RELN: variants seen among roughly 807,000 people sequenced by gnomAD.
RELN encodes reelin.
A neutral mutation model predicts 427.6 loss-of-function variants in RELN; 108 were observed. The ratio of observed to expected loss-of-function variants is 0.25; its 90% confidence interval spans 0.22 to 0.30. The LOEUF is 0.30. Ranked by LOEUF, RELN falls within the 10% of genes least tolerant of loss-of-function variation. The pLI, the probability that RELN is intolerant of heterozygous loss-of-function variation, is 1.00. For missense variants in RELN, 3,715 were observed against 4,302.8 expected, an observed-to-expected ratio of 0.86 and a Z score of 3.82; for synonymous variants, 1,524 against 1,513.4, an observed-to-expected ratio of 1.01 and a Z score of -0.16.
At chr7:103,550,919 A>T in intron 41 of RELN, 148 bp downstream of exon 41, 1 of 738,130 alleles carries the variant, frequency 1.4e-6, no homozygotes, top group Non-Finnish European at 2.4e-6. Context: ...TCCGTGTCCT[A>T]CATTTTAAAT....
chr7:103,778,477 C>T (rs566844266), intron 3 of RELN, among the ~76,000 whole-genome samples: 13 of 152,128 alleles, frequency 8.5e-5, no homozygotes, highest in Non-Finnish European at 1.5e-4. Flanking sequence ...CATAATATTT[C>T]TTATTGGTCC....
At chr7:103,930,462 C>T (rs1453246653) in intron 1 of RELN, among the ~76,000 whole-genome samples, 1 of 151,888 alleles carries the variant, frequency 6.6e-6, no homozygotes, top group East Asian at 1.9e-4. Context: ...GTTCAGCCCC[C>T]CGTAATGCAT....
chr7:103,489,919 C>T lies in RELN; in HGVS notation c.9606-20G>A. The T allele has an allele frequency of 6.2e-7, 1 of 1,613,854 alleles. No individual in the cohort carries two copies. Among genetic ancestry groups the T allele is most frequent in the East Asian group, 2.2e-5 (1 of 44,864 alleles). On this transcript the variant is annotated intron_variant, in intron 59 of 64. Transcript: ENST00000428762. The stretch of plus-strand genomic sequence containing the variant: ...GTTGCACTGAAAGAACCACAGAGAG[C>T]AGAAGGGATTCAGTAGGTTGTTACT...
At position 103,989,621 on chromosome 7, in the gene RELN, G is replaced by A. The variant is rs997525514; in HGVS notation, c.-265C>T. On this transcript the variant is annotated 5_prime_UTR_variant, in exon 1 of 65. Transcript: ENST00000428762. This position sits in a 1 kb window ranked among gnomAD's most constrained non-coding sequence, Gnocchi z 4.9. ...GCGTCGTCTGCCGCCTCCGTGCGCC[G>A]CCGCCGCCTCTGCGCGACGCCCCTC... 7.0e-5 allele frequency: 25 copies of A among 359,110 alleles called. No individual in the cohort carries two copies. Among genetic ancestry groups the A allele is most frequent in the South Asian group, 1.1e-4 (1 of 9,094 alleles). The allele number at this position is 359,110 out of a possible 1,614,324, so 22.2% of individuals were successfully genotyped here.
Position 103,553,501 on chromosome 7 carries a change from C to T in RELN, c.6032G>A (p.Arg2011His), listed in dbSNP as rs762880714. The T allele has an allele frequency of 2.6e-5, 42 of 1,613,736 alleles. No individual in the cohort carries two copies. Among genetic ancestry groups the T allele is most frequent in the Middle Eastern group, 1.6e-4 (1 of 6,082 alleles). Residue 2011 changes from arginine to histidine, a missense_variant, in exon 40 of 65, where the codon CGT becomes CAT. Coordinates refer to ENST00000428762, the MANE Select transcript of RELN (RefSeq NM_005045.4). ...GGTGTTCTCATTCACATTTAGGTCACGGGTGGTAATGGAATGCTCACCAAC... is the reference window on the plus strand; with the variant it reads ...GGTGTTCTCATTCACATTTAGGTCATGGGTGGTAATGGAATGCTCACCAAC... ...NEVGEHSITT[R>H]DLNVNENTII...
At chr7:103,961,667 C>T (rs1178583571) in intron 1 of RELN, among the ~76,000 whole-genome samples, 1 of 152,166 alleles carries the variant, frequency 6.6e-6, no homozygotes, top group African/African-American at 2.4e-5. Flanking sequence ...TAGAAACCAT[C>T]CTCGTGGGTC....
chr7:103,551,563 G>C (rs986158545), intron 40 of RELN, among the ~76,000 whole-genome samples: 1 of 152,060 alleles, frequency 6.6e-6, no homozygotes, highest in Non-Finnish European at 1.5e-5. Context: ...GCAGAGGCTG[G>C]GACAATTCCA....
At chr7:103,481,080 G>A (rs1828216282) in intron 63 of RELN, among the ~76,000 whole-genome samples, 1 of 152,198 alleles carries the variant, frequency 6.6e-6, no homozygotes. Flanking sequence ...CATGTTGACA[G>A]GGAGCAAGGA....
intron 1 of RELN, among the ~76,000 whole-genome samples, chr7:103,958,859 G>A (rs138559412): frequency 5.4e-4 from 82 of 152,302 alleles, no homozygotes; most frequent in African/African-American, 1.8e-3. Flanking sequence ...ACAAAGTGAG[G>A]TCTGAGGCTA....
At chr7:103,548,031 CTT>C (rs1202521265) in intron 41 of RELN, among the ~76,000 whole-genome samples, 1 of 152,172 alleles carries the variant, frequency 6.6e-6, no homozygotes, top group African/African-American at 2.4e-5. Flanking sequence ...TAAACATAAA[CTT>C]AAAATTTCAA....
chr7:103,744,830 A>C (rs1790773280), intron 6 of RELN, among the ~76,000 whole-genome samples: 1 of 152,250 alleles, frequency 6.6e-6, no homozygotes, highest in Non-Finnish European at 1.5e-5. Flanking sequence ...AAATTCTGCC[A>C]GAGGTACAAA....
intron 41 of RELN, among the ~76,000 whole-genome samples, chr7:103,550,106 T>G (rs1430372685): frequency 6.6e-6 from 1 of 152,210 alleles, no homozygotes; most frequent in East Asian, 1.9e-4. Flanking sequence ...AATTATATAT[T>G]CAACAACCCA....
chr7:103,767,435 C>T (rs984277735), intron 4 of RELN, among the ~76,000 whole-genome samples: 17 of 152,142 alleles, frequency 1.1e-4, no homozygotes, highest in African/African-American at 4.1e-4. Flanking sequence ...AGTTAGCTTG[C>T]TTGGCTTCAT....
At chr7:103,697,278 G>A (rs1833995613) in intron 10 of RELN, among the ~76,000 whole-genome samples, 1 of 152,074 alleles carries the variant, frequency 6.6e-6, no homozygotes, top group African/African-American at 2.4e-5. Flanking sequence ...TTCTGGGGAG[G>A]TGGAGGGATA....
intron 1 of RELN, among the ~76,000 whole-genome samples, chr7:103,942,308 A>C (rs1796132222): frequency 6.6e-6 from 1 of 152,040 alleles, no homozygotes; most frequent in Non-Finnish European, 1.5e-5. Context: ...CTCCCCGACA[A>C]TCCCTTGGCA....
chr7:103,561,833 A>T lies in RELN; in HGVS notation c.5331T>A (p.Ile1777=). The T allele has an allele frequency of 1.9e-6, 3 of 1,613,956 alleles. No individual in the cohort carries two copies. The highest frequency in any genetic ancestry group is 1.7e-6 in the Non-Finnish European group (2 of 1,179,948). The change falls in exon 35 of 65, where the codon ATT becomes ATA. Residue 1777 remains isoleucine (I), a synonymous_variant. Coordinates refer to ENST00000428762, the MANE Select transcript of RELN (RefSeq NM_005045.4). The part of the protein sequence containing the change: ...GCPWMCSGRG[I]CDAGRCVCDR... ...CTTACACACAGCGTCCAGCATCACA[A>T]ATCCCTCGTCCTGAGCACATCCAAG...
chr7:103,631,286 C>CTTTT (rs545808640), intron 19 of RELN, among the ~76,000 whole-genome samples: 3,155 of 77,544 alleles, frequency 0.041, 306 homozygotes, highest in East Asian at 0.087. Flanking sequence ...AAAAACACTT[C>CTTTT]TTTTTTTTTT....
In RELN at chr7:103,545,150, G is replaced by C; in HGVS notation, c.6497C>G (p.Pro2166Arg). Reference protein sequence around the residue: ...GPTCKISTKNPDFLKDDFEGQ... With the variant: ...GPTCKISTKNRDFLKDDFEGQ... ...TTCGAAATCATCTTTGAGAAAATCAGGATTTTTGGTGCTTATTTTACAGGT... is the reference window on the plus strand; with the variant it reads ...TTCGAAATCATCTTTGAGAAAATCACGATTTTTGGTGCTTATTTTACAGGT... The change falls in exon 42 of 65, where the codon CCT (proline) becomes CGT (arginine). Residue 2166 changes from proline to arginine, a missense_variant. Physicochemically the swap from Pro to Arg is moderately radical, Grantham distance 103. Around this residue, in one of 4 missense-constraint regions of RELN, gnomAD observed 1,310 missense variants for 1,643.0 expected, o/e 0.80. Transcript: ENST00000428762. 1.2e-6 allele frequency: 2 copies of C among 1,613,870 alleles called. No homozygotes were observed. The highest frequency in any genetic ancestry group is 2.2e-5 in the South Asian group (2 of 91,060).
chr7:103,939,247 C>T (rs1455628007), intron 1 of RELN, among the ~76,000 whole-genome samples: 1 of 151,678 alleles, frequency 6.6e-6, no homozygotes, highest in Non-Finnish European at 1.5e-5. Context: ...CTGTGCCCAG[C>T]CATACAGTTT....
Sources: gnomAD v4.1 joint callset for allele counts (sites outside exome capture counted in the v4.1 genomes callset) on GRCh38, gnomAD v4.1.1 for gene constraint, gnomAD v4.1.1 regional missense constraint, Gnocchi (gnomAD v3.1) non-coding constraint, MANE v1.5 for transcripts, NCBI Gene and HGNC (gene_info 2026-07-23, HGNC 2026-07-21) for gene names.